GPM6A: variants seen among roughly 807,000 people sequenced by gnomAD.
The protein encoded by GPM6A is neuronal membrane glycoprotein M6-a.
GPM6A carries 7 observed loss-of-function variants against 32.1 expected under a neutral mutation model. The observed-to-expected ratio is 0.22, with a 90% confidence interval of 0.12 to 0.41. The LOEUF (loss-of-function observed/expected upper bound fraction) is 0.41. Ranked by LOEUF, GPM6A falls within the 10% of genes least tolerant of loss-of-function variation. The pLI is 1.00. For missense variants in GPM6A, 235 were observed against 347.2 expected (o/e 0.68, Z 2.57); for synonymous variants, 130 against 123.4 (o/e 1.05, Z -0.35).
At chr4:175,986,515 C>T (rs907534389) in intron 1 of GPM6A, among the ~76,000 whole-genome samples, 1 of 151,760 alleles carries the variant, frequency 6.6e-6, no homozygotes, top group African/African-American at 2.4e-5. Context: ...TGTGCCACTG[C>T]CACTCCAGCC....
intron 1 of GPM6A, among the ~76,000 whole-genome samples, chr4:175,770,763 T>C (rs1733154980): frequency 6.6e-6 from 1 of 152,110 alleles, no homozygotes; most frequent in African/African-American, 2.4e-5. Context: ...CTAACATCTT[T>C]CTACTGGTTA....
chr4:175,914,359 T>C, intron 1 of GPM6A, among the ~76,000 whole-genome samples: 1 of 152,238 alleles, frequency 6.6e-6, no homozygotes, highest in East Asian at 1.9e-4. Context: ...TCTCACTCTA[T>C]AGCCCAGGCT....
At chr4:175,790,649 G>GA (rs1222693108) in intron 1 of GPM6A, among the ~76,000 whole-genome samples, 3 of 152,088 alleles carry the variant, frequency 2.0e-5, no homozygotes, top group Non-Finnish European at 4.4e-5. Flanking sequence ...ATCTCAACAC[G>GA]ATTTTAATTT....
intron 1 of GPM6A, among the ~76,000 whole-genome samples, chr4:175,721,016 T>C (rs1332243121): frequency 1.5e-5 from 2 of 137,074 alleles, no homozygotes; most frequent in African/African-American, 2.7e-5. Context: ...TTTTCTAGTA[T>C]ATATATATAC....
At chr4:175,921,507 A>T (rs1161888558) in intron 1 of GPM6A, among the ~76,000 whole-genome samples, 4 of 109,952 alleles carry the variant, frequency 3.6e-5, no homozygotes, top group Non-Finnish European at 8.9e-5. Context: ...ATCATGGACC[A>T]TCATTCCCAA....
intron 6 of GPM6A, among the ~76,000 whole-genome samples, chr4:175,638,280 C>T (rs1027641740): frequency 6.6e-6 from 1 of 151,814 alleles, no homozygotes; most frequent in African/African-American, 2.4e-5. Context: ...GTACCAGGAA[C>T]AGTAGCAGTA....
At chr4:175,718,340 G>T (rs913157706) in intron 1 of GPM6A, among the ~76,000 whole-genome samples, 1 of 152,150 alleles carries the variant, frequency 6.6e-6, no homozygotes, top group African/African-American at 2.4e-5. Flanking sequence ...ATTAGACTGG[G>T]TGTGGTGGCT....
At chr4:175,659,394 T>C (rs889170782) in intron 3 of GPM6A, among the ~76,000 whole-genome samples, 2 of 152,118 alleles carry the variant, frequency 1.3e-5, no homozygotes, top group Non-Finnish European at 2.9e-5. Flanking sequence ...TACCTTTTTT[T>C]AAAGAGTAAA....
chr4:175,708,637 G>T (rs1351835799), intron 1 of GPM6A, among the ~76,000 whole-genome samples: 1 of 152,054 alleles, frequency 6.6e-6, no homozygotes, highest in Non-Finnish European at 1.5e-5. Context: ...CAAACAGAGG[G>T]AAACTAAATG....
chr4:175,775,658 C>T (rs1733364095), intron 1 of GPM6A, among the ~76,000 whole-genome samples: 1 of 152,060 alleles, frequency 6.6e-6, no homozygotes. Context: ...CCTTAAAGGA[C>T]TACCTATTAA....
chr4:175,641,067 G>T (rs1352865721), intron 4 of GPM6A: 3 of 477,244 alleles, frequency 6.3e-6, no homozygotes, highest in Admixed American at 3.5e-5. Flanking sequence ...GAATTCAATT[G>T]AATCTCACCA....
chr4:175,887,037 C>A (rs1737482458), intron 1 of GPM6A, among the ~76,000 whole-genome samples: 1 of 151,858 alleles, frequency 6.6e-6, no homozygotes, highest in Non-Finnish European at 1.5e-5. Flanking sequence ...TATTTCCACA[C>A]AAAAGTCATT....
chr4:175,872,854 A>G (rs558210807), intron 1 of GPM6A: 1 of 152,308 alleles, frequency 6.6e-6, no homozygotes, highest in East Asian at 1.9e-4. Flanking sequence ...CCAAAATGTG[A>G]TCATCAGAGT....
chr4:175,637,718 TATATAA>T (rs1740863728), intron 6 of GPM6A, among the ~76,000 whole-genome samples: 1 of 86,374 alleles, frequency 1.2e-5, no homozygotes, highest in Non-Finnish European at 2.1e-5. Context: ...TATATATTTA[TATATAA>T]TATATTATAT....
chr4:175,649,345 G>C (rs1741649666), intron 4 of GPM6A, among the ~76,000 whole-genome samples: 1 of 152,134 alleles, frequency 6.6e-6, no homozygotes, highest in African/African-American at 2.4e-5. Context: ...GCACTTGAAT[G>C]CATTGAGAAT....
At chr4:175,901,628 C>CTTTTTTTTTTTTTTTTT (rs59461626) in intron 1 of GPM6A, among the ~76,000 whole-genome samples, 1 of 127,020 alleles carries the variant, frequency 7.9e-6, no homozygotes, top group Non-Finnish European at 1.6e-5. Context: ...TTTTCTTTTT[C>CTTTTTTTTTTTTTTTTT]TTTTTTTTTT....
chr4:175,671,053 A>T (rs1183132224), intron 3 of GPM6A, among the ~76,000 whole-genome samples: 1 of 151,642 alleles, frequency 6.6e-6, no homozygotes, highest in Non-Finnish European at 1.5e-5. Flanking sequence ...TAGTAGAGAC[A>T]GGGTTTCACT....
intron 1 of GPM6A, among the ~76,000 whole-genome samples, chr4:175,838,807 C>T (rs766039670): frequency 1.3e-4 from 19 of 151,784 alleles, no homozygotes; most frequent in Non-Finnish European, 2.5e-4. Flanking sequence ...GCCCACAACA[C>T]CACACCCGGC....
chr4:175,662,058 T>A (rs1306494553), intron 3 of GPM6A, among the ~76,000 whole-genome samples: 2 of 151,968 alleles, frequency 1.3e-5, no homozygotes, highest in Admixed American at 1.3e-4. Context: ...ATAGGAAAAA[T>A]TTTAAAGAAC....
Sources: gnomAD v4.1 joint callset for allele counts (sites outside exome capture counted in the v4.1 genomes callset) on GRCh38, gnomAD v4.1.1 for gene constraint, MANE v1.5 for transcripts, NCBI Gene and HGNC (gene_info 2026-07-23, HGNC 2026-07-21) for gene names.